RAB7B: variants seen among roughly 807,000 people sequenced by gnomAD.
RAB7B encodes ras-related protein Rab-7b.
chr1:206,002,846 C>G (rs1415433775), intron 1 of RAB7B, among the ~76,000 whole-genome samples: 2 of 152,250 alleles, frequency 1.3e-5, no homozygotes, highest in Admixed American at 1.3e-4. Context: ...TAGGCCAACA[C>G]AATTCCATCC....
At chr1:205,979,195 A>G (rs1168603189) in intron 5 of RAB7B, among the ~76,000 whole-genome samples, 1 of 151,950 alleles carries the variant, frequency 6.6e-6, no homozygotes, top group Non-Finnish European at 1.5e-5. Context: ...ATGTCCTATA[A>G]CTTTCCATTC....
At chr1:205,988,696 G>T (rs890875597) in intron 4 of RAB7B, among the ~76,000 whole-genome samples, 6 of 152,222 alleles carry the variant, frequency 3.9e-5, no homozygotes, top group African/African-American at 1.4e-4. Context: ...GTCTCAGGAA[G>T]TCTGTGTTCT....
intron 4 of RAB7B, among the ~76,000 whole-genome samples, chr1:205,992,119 T>TC (rs1174873244): frequency 6.6e-6 from 1 of 152,208 alleles, no homozygotes; most frequent in Admixed American, 6.5e-5. Flanking sequence ...ACTCCTCCTT[T>TC]CCCTGTCTCT....
intron 5 of RAB7B, among the ~76,000 whole-genome samples, chr1:205,983,271 C>G (rs1359048064): frequency 6.6e-6 from 1 of 152,236 alleles, no homozygotes; most frequent in Non-Finnish European, 1.5e-5. Flanking sequence ...TTGGCCTTCT[C>G]TCTGCCCTTC....
At chr1:205,993,112 T>C (rs1481029366) in intron 3 of RAB7B, among the ~76,000 whole-genome samples, 3 of 152,234 alleles carry the variant, frequency 2.0e-5, no homozygotes, top group Admixed American at 1.3e-4. Context: ...CATTTTTTTT[T>C]CTATAAATAA....
chr1:205,989,913 C>T (rs1660687298), intron 4 of RAB7B, among the ~76,000 whole-genome samples: 2 of 152,274 alleles, frequency 1.3e-5, no homozygotes, highest in African/African-American at 4.8e-5. Flanking sequence ...CCACTTCTCC[C>T]AAGAGTAACT....
intron 2 of RAB7B, 57 bp downstream of exon 2, chr1:205,994,026 C>T (rs1033520412): frequency 5.5e-5 from 22 of 398,434 alleles, no homozygotes; most frequent in Non-Finnish European, 8.8e-5. Flanking sequence ...ATCAGGAGGT[C>T]TCACTGTCCT....
chr1:205,989,075 A>G (rs1026733997), intron 4 of RAB7B, among the ~76,000 whole-genome samples: 7 of 150,422 alleles, frequency 4.7e-5, no homozygotes, highest in African/African-American at 1.5e-4. Flanking sequence ...CCACCTCCCT[A>G]CAAACCCCTT....
chr1:205,981,904 T>G (rs1038296646), intron 5 of RAB7B, among the ~76,000 whole-genome samples: 1 of 138,032 alleles, frequency 7.2e-6, no homozygotes, highest in South Asian at 2.4e-4. Flanking sequence ...ACAATGTTAA[T>G]TGAAAACCTA....
chr1:205,986,446 C>A (rs1376604669), intron 4 of RAB7B, among the ~76,000 whole-genome samples: 3 of 152,222 alleles, frequency 2.0e-5, no homozygotes, highest in Non-Finnish European at 2.9e-5. Context: ...TTGGATGTAG[C>A]CCCAGCTCAG....
At chr1:205,993,104 T>C (rs1013851113) in intron 3 of RAB7B, among the ~76,000 whole-genome samples, 2 of 149,834 alleles carry the variant, frequency 1.3e-5, no homozygotes, top group Non-Finnish European at 2.9e-5. Flanking sequence ...GGCATCAGCA[T>C]TTTTTTTTCT....
intron 5 of RAB7B, among the ~76,000 whole-genome samples, chr1:205,979,957 A>G (rs983401914): frequency 5.9e-5 from 9 of 152,156 alleles, no homozygotes; most frequent in Non-Finnish European, 1.2e-4. Context: ...GCTGGTGAAT[A>G]TCCACCAAAT....
chr1:205,990,549 A>G (rs1385473371), intron 4 of RAB7B, among the ~76,000 whole-genome samples: 3 of 152,098 alleles, frequency 2.0e-5, no homozygotes, highest in Non-Finnish European at 4.4e-5. Context: ...AGAGAGAGAG[A>G]GCAACAGGCT....
At chr1:205,994,009 G>A (rs1326783265) in intron 2 of RAB7B, 74 bp downstream of exon 2, 4 of 398,298 alleles carry the variant, frequency 1.0e-5, no homozygotes, top group Non-Finnish European at 1.8e-5. Flanking sequence ...ATGGGAGATG[G>A]GAACACATCA....
At chr1:205,980,911 T>C (rs1388738937) in intron 5 of RAB7B, among the ~76,000 whole-genome samples, 1 of 144,338 alleles carries the variant, frequency 6.9e-6, no homozygotes, top group Non-Finnish European at 1.5e-5. Flanking sequence ...TCCCCTTTCT[T>C]CCTTTCTTTG....
chr1:205,981,021 C>G (rs1331847976), intron 5 of RAB7B, among the ~76,000 whole-genome samples: 1 of 152,056 alleles, frequency 6.6e-6, no homozygotes. Flanking sequence ...CCACCTTAGC[C>G]TCCCAAGTAG....
rs970148273 is a variant in RAB7B, at chr1:205,977,030, G to C, written c.*1821C>G. The C allele has an allele frequency of 2.1e-4, 32 of 152,350 alleles. No individual in the cohort carries two copies. Among genetic ancestry groups the C allele is most frequent in the Admixed American group, 2.1e-3 (32 of 15,294 alleles). 9.4% of individuals were successfully genotyped at this position (152,350 alleles called of 1,614,324 possible). A position where few individuals can be genotyped will look rare whatever the true frequency, so the allele number is the denominator to read the frequency against. ...GCCAGTTCACACTCCAGTGCCACGT[G>C]GGGGGAGAAGTGGCTCCCAAACTCC... On this transcript the variant is annotated 3_prime_UTR_variant, in exon 6 of 6. Transcript: ENST00000617070.
At chr1:205,999,870 T>C (rs1196152937) in intron 1 of RAB7B, among the ~76,000 whole-genome samples, 1 of 152,172 alleles carries the variant, frequency 6.6e-6, no homozygotes, top group Non-Finnish European at 1.5e-5. Context: ...TGGGCTGAAG[T>C]GATCCTCCCC....
chr1:205,995,834 A>C (rs1331068673), intron 1 of RAB7B, among the ~76,000 whole-genome samples: 2 of 152,198 alleles, frequency 1.3e-5, no homozygotes, highest in Non-Finnish European at 2.9e-5. Flanking sequence ...GTTAACAACA[A>C]TGTATTGTAT....
Sources: allele counts gnomAD v4.1 joint callset (sites outside exome capture counted in the v4.1 genomes callset), GRCh38; gene constraint gnomAD v4.1.1; transcripts MANE v1.5; gene names NCBI Gene and HGNC (gene_info 2026-07-23, HGNC 2026-07-21).